Variants in RBFOX1 observed in about 807,000 individuals in gnomAD.
The protein encoded by RBFOX1 is RNA binding fox-1 homolog 1, also known as RNA binding protein fox-1 homolog 1.
A neutral mutation model predicts 57.7 loss-of-function variants in RBFOX1; 8 were observed. That is an observed-to-expected ratio of 0.14 (90% CI 0.08 to 0.25). The LOEUF (loss-of-function observed/expected upper bound fraction) is 0.25, where lower values mean the gene tolerates loss of function less well. RBFOX1 is among the 10% of genes least tolerant of loss of function. The pLI is 1.00. For synonymous variants in RBFOX1, 326 were observed against 222.4 expected (o/e 1.47, Z -4.15); for missense variants, 611 against 548.5 (o/e 1.11, Z -1.14).
chr16:5,450,767 C>G lies in RBFOX1; in HGVS notation c.220-16449C>G, dbSNP rs74385762. ...CTTTGGGCAGGAGTTGCTGCAGGCCCCCTTGTGACTTTGGGTAGCCTCGTC... is the reference window on the plus strand; with the variant it reads ...CTTTGGGCAGGAGTTGCTGCAGGCCGCCTTGTGACTTTGGGTAGCCTCGTC... On this transcript the variant is annotated intron_variant, in intron 1 of 2. Coordinates refer to the RBFOX1 transcript ENST00000585867. Among the ~76,000 whole-genome samples, 1,436 of 152,218 alleles carry G rather than the reference C, an allele frequency of 9.4e-3. 28 individuals are homozygous for G. Among genetic ancestry groups the G allele is most frequent in the African/African-American group, 0.032 (1,345 of 41,528 alleles).
chr16:6,586,465 G>C (rs1400526361), intron 2 of RBFOX1, among the ~76,000 whole-genome samples: 1 of 152,152 alleles, frequency 6.6e-6, no homozygotes, highest in Non-Finnish European at 1.5e-5. Flanking sequence ...GATCTTTTCA[G>C]TGGCAGGTGA....
intron 4 of RBFOX1, among the ~76,000 whole-genome samples, chr16:7,127,391 A>C (rs1385463770): frequency 6.6e-6 from 1 of 152,212 alleles, no homozygotes; most frequent in Non-Finnish European, 1.5e-5. Context: ...TTTGATACTT[A>C]TTATCACCCT....
At chr16:6,731,557 A>G (rs907187376) in intron 3 of RBFOX1, among the ~76,000 whole-genome samples, 6 of 152,172 alleles carry the variant, frequency 3.9e-5, no homozygotes. Flanking sequence ...CATGCACAAT[A>G]GGAGACCAGA....
At chr16:6,886,517 C>T (rs1014776321) in intron 3 of RBFOX1, among the ~76,000 whole-genome samples, 2 of 152,096 alleles carry the variant, frequency 1.3e-5, no homozygotes, top group Admixed American at 1.3e-4. Context: ...CTTTGAGAGG[C>T]CAAGGCAGGT....
At chr16:7,157,138 G>C (rs1304638915) in intron 4 of RBFOX1, among the ~76,000 whole-genome samples, 1 of 152,138 alleles carries the variant, frequency 6.6e-6, no homozygotes, top group Non-Finnish European at 1.5e-5. Context: ...TATTCTCATT[G>C]GCACAGGATA....
At chr16:7,238,094 A>C (rs767163035) in intron 4 of RBFOX1, among the ~76,000 whole-genome samples, 22 of 152,244 alleles carry the variant, frequency 1.4e-4, no homozygotes, top group Non-Finnish European at 2.8e-4. Context: ...ACAAAAGAAC[A>C]AATATTGCAT....
chr16:7,550,680 G>T (rs1313418095), intron 5 of RBFOX1, among the ~76,000 whole-genome samples: 1 of 152,052 alleles, frequency 6.6e-6, no homozygotes, highest in East Asian at 1.9e-4. Context: ...GCCTCTGGAC[G>T]AATATGCACC....
chr16:5,636,486 A>T (rs1038281200), intron 3 of RBFOX1, among the ~76,000 whole-genome samples: 1 of 152,192 alleles, frequency 6.6e-6, no homozygotes, highest in South Asian at 2.1e-4. Context: ...CCTCCCGCTC[A>T]TGGGGCCAGG....
intron 5 of RBFOX1, among the ~76,000 whole-genome samples, chr16:7,559,227 G>A (rs1601795802): frequency 2.0e-5 from 3 of 152,162 alleles, no homozygotes; most frequent in East Asian, 3.8e-4. Context: ...ATAGTCAGTG[G>A]TGAGCCTCTC....
At chr16:7,214,343 C>A (rs945398697) in intron 4 of RBFOX1, among the ~76,000 whole-genome samples, 1 of 152,038 alleles carries the variant, frequency 6.6e-6, no homozygotes, top group Non-Finnish European at 1.5e-5. Context: ...CCTGTAGATC[C>A]CTACTTTAGC....
chr16:6,844,252 A>C (rs2093642757), intron 3 of RBFOX1, among the ~76,000 whole-genome samples: 1 of 151,688 alleles, frequency 6.6e-6, no homozygotes, highest in South Asian at 2.1e-4. Context: ...GATTTGTTAC[A>C]TAGGTAAATA....
chr16:5,574,253 A>C (rs2046381631), intron 2 of RBFOX1, among the ~76,000 whole-genome samples: 1 of 152,198 alleles, frequency 6.6e-6, no homozygotes. Context: ...AGTTTGATGC[A>C]GTGATAATGC....
chr16:6,841,610 C>T (rs187545257), intron 3 of RBFOX1, among the ~76,000 whole-genome samples: 43 of 152,228 alleles, frequency 2.8e-4, no homozygotes, highest in African/African-American at 1.0e-3. Context: ...TAATTTTACT[C>T]TCAAAACTCT....
chr16:6,023,799 C>A (rs897512883), intron 1 of RBFOX1, among the ~76,000 whole-genome samples: 2 of 152,152 alleles, frequency 1.3e-5, no homozygotes, highest in Non-Finnish European at 2.9e-5. Context: ...GTGCCGGAGA[C>A]CTCAAACACC....
intron 2 of RBFOX1, among the ~76,000 whole-genome samples, chr16:5,500,528 C>G (rs1344998156): frequency 6.6e-6 from 1 of 152,110 alleles, no homozygotes; most frequent in Non-Finnish European, 1.5e-5. Flanking sequence ...GGCCGAGTAT[C>G]AGGCTTTCAA....
intron 1 of RBFOX1, among the ~76,000 whole-genome samples, chr16:6,208,425 G>C (rs1406638501): frequency 2.8e-4 from 2 of 7,184 alleles, no homozygotes; most frequent in African/African-American, 2.9e-4. Flanking sequence ...CATGTGCTTA[G>C]TGTAAGGTGT....
intron 1 of RBFOX1, among the ~76,000 whole-genome samples, chr16:6,305,793 G>A (rs2079439257): frequency 6.6e-6 from 1 of 151,950 alleles, no homozygotes; most frequent in Admixed American, 6.6e-5. Flanking sequence ...GCAAATGCTG[G>A]AGCTGCCAGT....
chr16:5,491,411 C>A (rs2042824355), intron 2 of RBFOX1, among the ~76,000 whole-genome samples: 1 of 152,316 alleles, frequency 6.6e-6, no homozygotes, highest in African/African-American at 2.4e-5. Flanking sequence ...TCTTTTCTAT[C>A]TGGCTTCCTT....
At chr16:7,035,192 C>G (rs998309517) in intron 3 of RBFOX1, among the ~76,000 whole-genome samples, 3 of 151,954 alleles carry the variant, frequency 2.0e-5, no homozygotes, top group Admixed American at 6.6e-5. Flanking sequence ...GATGCCAACG[C>G]TGTTGGTCCT....
Sources: allele counts gnomAD v4.1 joint callset (sites outside exome capture counted in the v4.1 genomes callset), GRCh38; gene constraint gnomAD v4.1.1; transcripts MANE v1.5; gene names NCBI Gene and HGNC (gene_info 2026-07-23, HGNC 2026-07-21).